Variants in DGKB observed in about 807,000 individuals in gnomAD.
DGKB encodes diacylglycerol kinase beta.
DGKB carries 67 observed loss-of-function variants against 114.3 expected under a neutral mutation model. That is an observed-to-expected ratio of 0.59 (90% CI 0.48 to 0.72). DGKB has a LOEUF of 0.72. Among genes scored for constraint, DGKB ranks in the 30% least tolerant of loss-of-function variants. The pLI is 0.00. For missense variants in DGKB, 907 were observed against 975.2 expected (o/e 0.93, Z 0.93); for synonymous variants, 398 against 323.1 (o/e 1.23, Z -2.49).
chr7:14,270,368 C>A (rs553967603), intron 23 of DGKB, among the ~76,000 whole-genome samples: 1 of 152,286 alleles, frequency 6.6e-6, no homozygotes, highest in East Asian at 1.9e-4. Flanking sequence ...TCTTGCCTCT[C>A]TTTATACCTT....
At chr7:14,683,403 C>T (rs1821165115) in intron 10 of DGKB, among the ~76,000 whole-genome samples, 1 of 152,126 alleles carries the variant, frequency 6.6e-6, no homozygotes, top group Non-Finnish European at 1.5e-5. Flanking sequence ...CCAAAAGCAA[C>T]AGCCTTTGCT....
intron 23 of DGKB, among the ~76,000 whole-genome samples, chr7:14,261,302 G>A (rs1387586003): frequency 6.6e-6 from 1 of 151,414 alleles, no homozygotes; most frequent in African/African-American, 2.4e-5. Context: ...AATAACTAGT[G>A]TTTTAGGCTG....
chr7:14,682,433 A>G (rs942594590), intron 12 of DGKB, 120 bp downstream of exon 12: 3 of 692,572 alleles, frequency 4.3e-6, no homozygotes, highest in Admixed American at 2.6e-5. Flanking sequence ...AGAAGTTTCC[A>G]TGGTTTTATG....
At chr7:14,840,544 C>G (rs1172402664) in intron 2 of DGKB, among the ~76,000 whole-genome samples, 2 of 152,146 alleles carry the variant, frequency 1.3e-5, no homozygotes, top group African/African-American at 4.8e-5. Context: ...TTAAAACTTA[C>G]AGTGAAGTGA....
At chr7:14,760,658 G>A (rs1408889811) in intron 2 of DGKB, among the ~76,000 whole-genome samples, 3 of 151,922 alleles carry the variant, frequency 2.0e-5, no homozygotes, top group Non-Finnish European at 4.4e-5. Context: ...TATCTCGAGA[G>A]ACTATGTTTA....
intron 25 of DGKB, among the ~76,000 whole-genome samples, chr7:14,166,312 G>C (rs897569214): frequency 2.6e-5 from 4 of 152,018 alleles, no homozygotes; most frequent in African/African-American, 7.3e-5. Flanking sequence ...CTTAAATCTG[G>C]GGCACAAGAG....
intron 20 of DGKB, among the ~76,000 whole-genome samples, chr7:14,526,506 T>C (rs1274250499): frequency 6.6e-6 from 1 of 151,742 alleles, no homozygotes; most frequent in African/African-American, 2.4e-5. Flanking sequence ...ATGGGAAGAG[T>C]CAACAAATAA....
Position 14,554,536 on chromosome 7 carries a change from G to A in DGKB, c.1770+19676C>T, listed in dbSNP as rs1274862564. ...TGGAATAGATTTTTAGAAATGAGAT[G>A]GATGGATCAAAGGGTATGCACATTT... On this transcript the variant is annotated intron_variant, in intron 20 of 25. Coordinates refer to ENST00000402815, the MANE Select transcript of DGKB (RefSeq NM_001350709.2). 8.5e-5 allele frequency among the ~76,000 whole-genome samples: 13 copies of A among 152,070 alleles called. No homozygotes were observed. In the South Asian group the frequency reaches 2.5e-3, roughly 29 times the overall value.
intron 1 of DGKB, among the ~76,000 whole-genome samples, chr7:14,875,315 T>A (rs2128204600): frequency 6.6e-6 from 1 of 152,300 alleles, no homozygotes; most frequent in African/African-American, 2.4e-5. Flanking sequence ...TGCTATTTTG[T>A]TTAATTCAAA....
chr7:14,890,555 T>C (rs770623715), intron 1 of DGKB, among the ~76,000 whole-genome samples: 2 of 151,428 alleles, frequency 1.3e-5, no homozygotes, highest in Non-Finnish European at 3.0e-5. Context: ...ATGACAAAAA[T>C]CTTTAATAAG....
chr7:14,729,123 C>CTTTTTTT lies in DGKB; in HGVS notation c.322+6911_322+6917dup, dbSNP rs1162368398. Among the ~76,000 whole-genome samples, 31 of 113,362 alleles carry CTTTTTTT rather than the reference C, an allele frequency of 2.7e-4. 2 individuals carry two copies. The highest frequency in any genetic ancestry group is 9.5e-4 in the African/African-American group (26 of 27,434). The allele number at this position is 113,362 out of a possible 152,430, so 74.4% of individuals were successfully genotyped here. A position where few individuals can be genotyped will look rare whatever the true frequency, so the allele number is the denominator to read the frequency against. ...AATGGAAACGGGTTTCATTTTCTTT[C>CTTTTTTT]TTTTTTTTTTTTTTTTTTTGATGGA... On this transcript the variant is annotated intron_variant, in intron 5 of 25. Coordinates refer to ENST00000402815, the MANE Select transcript of DGKB (RefSeq NM_001350709.2).
At chr7:14,468,434 T>C (rs1019685952) in intron 21 of DGKB, among the ~76,000 whole-genome samples, 66 of 152,080 alleles carry the variant, frequency 4.3e-4, no homozygotes, top group African/African-American at 1.5e-3. Flanking sequence ...ACGAGATAAA[T>C]TGAGGATAGG....
intron 9 of DGKB, among the ~76,000 whole-genome samples, chr7:14,693,410 C>A (rs1172274514): frequency 6.6e-6 from 1 of 151,926 alleles, no homozygotes; most frequent in Non-Finnish European, 1.5e-5. Flanking sequence ...ATATTACATT[C>A]TCATCTTAGG....
At chr7:14,746,269 G>A (rs986913297) in intron 4 of DGKB, among the ~76,000 whole-genome samples, 1 of 152,122 alleles carries the variant, frequency 6.6e-6, no homozygotes, top group African/African-American at 2.4e-5. Flanking sequence ...TGGAGGCAGA[G>A]GTTGCAGTGA....
rs1219393328 is a variant in DGKB, at chr7:14,256,992, C to A, written c.2123-78841G>T. 3.3e-5 allele frequency among the ~76,000 whole-genome samples: 5 copies of A among 152,060 alleles called. No homozygotes were observed. The East Asian group carries it at 9.7e-4, about 29-fold the overall frequency. ...ACCAGCATGGGCATCATAGTGAGATCCTATCTCTAAAAACAAACAAAATCA... is the reference window on the plus strand; with the variant it reads ...ACCAGCATGGGCATCATAGTGAGATACTATCTCTAAAAACAAACAAAATCA... On this transcript the variant is annotated intron_variant, in intron 23 of 25. Transcript: ENST00000402815.
chr7:14,470,082 T>A (rs1781055680), intron 21 of DGKB, among the ~76,000 whole-genome samples: 1 of 151,916 alleles, frequency 6.6e-6, no homozygotes. Context: ...TATTCTAAGT[T>A]AGAATGAAAA....
Position 14,568,561 on chromosome 7 carries a change from G to A in DGKB, c.1770+5651C>T, listed in dbSNP as rs1797929243. 2.6e-5 allele frequency among the ~76,000 whole-genome samples: 4 copies of A among 152,174 alleles called. No individual in the cohort carries two copies. The South Asian group carries it at 8.3e-4, about 31-fold the overall frequency. On this transcript the variant is annotated intron_variant, in intron 20 of 25. Transcript: ENST00000402815. ...GAGAAGGTTATCTGTCAAGATGGAA[G>A]GAGCCTGGGTCACCGATTGACAACA...
intron 20 of DGKB, among the ~76,000 whole-genome samples, chr7:14,499,572 T>C (rs1013154600): frequency 2.0e-5 from 3 of 151,814 alleles, no homozygotes; most frequent in East Asian, 1.9e-4. Context: ...ATCATAATCA[T>C]AAAATCACAA....
chr7:14,206,095 T>A (rs1424307033), intron 23 of DGKB, among the ~76,000 whole-genome samples: 1 of 152,014 alleles, frequency 6.6e-6, no homozygotes, highest in African/African-American at 2.4e-5. Context: ...AAACTTGGCT[T>A]TACTGAAATG....
Sources: gnomAD v4.1 joint callset for allele counts (sites outside exome capture counted in the v4.1 genomes callset) on GRCh38, gnomAD v4.1.1 for gene constraint, MANE v1.5 for transcripts, NCBI Gene and HGNC (gene_info 2026-07-23, HGNC 2026-07-21) for gene names.